Variants in TACC2 observed in about 807,000 individuals in gnomAD.
TACC2 encodes the protein transforming acidic coiled-coil-containing protein 2.
Under a neutral mutation model 227.3 loss-of-function variants are expected in TACC2, and 137 were observed. The observed-to-expected ratio is 0.60, with a 90% CI of 0.52 to 0.69. TACC2 has a LOEUF of 0.69. Among genes scored for constraint, TACC2 ranks in the 30% least tolerant of loss-of-function variants. TACC2 has a pLI of 0.00. For missense variants in TACC2, 3,470 were observed against 3,694.4 expected (o/e 0.94, Z 1.57); for synonymous variants, 1,523 against 1,487.5 (o/e 1.02, Z -0.55).
intron 1 of TACC2, among the ~76,000 whole-genome samples, chr10:122,009,030 C>T (rs976243813): frequency 2.0e-5 from 3 of 152,166 alleles, no homozygotes; most frequent in African/African-American, 7.2e-5. Flanking sequence ...ACTAGCTGCC[C>T]TCTGTATTGT....
rs1593376647 is a variant in TACC2, at chr10:122,210,200, C to T, written c.5972-197C>T. 8.2e-6 allele frequency: 5 copies of T among 613,260 alleles called. No individual in the cohort carries two copies. The East Asian group carries it at 8.4e-5, about 10-fold the overall frequency. The allele number at this position is 613,260 out of a possible 1,614,324, so 38.0% of individuals were successfully genotyped here. A position where few individuals can be genotyped will look rare whatever the true frequency, so the allele number is the denominator to read the frequency against. On this transcript the variant is annotated intron_variant, in intron 8 of 22. Transcript: ENST00000369005. This position sits in a 1 kb window ranked among gnomAD's most constrained non-coding sequence, Gnocchi z 4.6. Reference sequence around the variant, plus strand: ...ATTGTACAGATGAGGGAACTCTGGGCGAACCTGGCCTGGGTCTTGAGCTAA... The same window carrying T: ...ATTGTACAGATGAGGGAACTCTGGGTGAACCTGGCCTGGGTCTTGAGCTAA...
In TACC2 at chr10:122,238,026, G is replaced by A. The variant is rs1227342028; in HGVS notation, c.8337G>A (p.Val2779=). Residue 2779 remains valine (V), a synonymous_variant, in exon 18 of 23, where the codon GTG becomes GTA. Coordinates refer to ENST00000369005, the MANE Select transcript of TACC2 (RefSeq NM_206862.4). Reference sequence around the variant, plus strand: ...AATATGAAGAAAGCAGGCGGGAAGTGATGGAAATGAGGTCAGTTGGGGAGC... The same window carrying A: ...AATATGAAGAAAGCAGGCGGGAAGTAATGGAAATGAGGTCAGTTGGGGAGC... ...KDKYEESRRE[V]MEMRKIVAEY... is the part of the protein sequence containing the mutation. 6.2e-7 allele frequency: 1 copy of A among 1,614,128 alleles called. No homozygotes were observed. The highest frequency in any genetic ancestry group is 8.5e-7 in the Non-Finnish European group (1 of 1,179,994).
At chr10:122,125,127 G>A (rs1453202618) in intron 5 of TACC2, among the ~76,000 whole-genome samples, 5 of 152,166 alleles carry the variant, frequency 3.3e-5, no homozygotes, top group African/African-American at 1.2e-4. Context: ...CATGTGCCAT[G>A]CTCTATGTCA....
chr10:122,132,491 G>A, intron 5 of TACC2, 118 bp from the exon 6 acceptor site: 1 of 1,223,196 alleles, frequency 8.2e-7, no homozygotes, highest in Non-Finnish European at 1.2e-6. Context: ...AGAGTTTGCA[G>A]TGAGCGGAGA....
At chr10:121,992,863 G>A (rs764927083) in intron 1 of TACC2, among the ~76,000 whole-genome samples, 3 of 152,028 alleles carry the variant, frequency 2.0e-5, no homozygotes, top group Non-Finnish European at 2.9e-5. Flanking sequence ...GCTGAGGCAG[G>A]AGAATTGCTA....
At chr10:122,157,981 A>G (rs1592720447) in intron 7 of TACC2, among the ~76,000 whole-genome samples, 1 of 152,064 alleles carries the variant, frequency 6.6e-6, no homozygotes, top group Admixed American at 6.6e-5. Flanking sequence ...CAACTTTTGT[A>G]TAGCCCTGAG....
At chr10:122,190,975 GC>G (rs372028532) in intron 7 of TACC2, among the ~76,000 whole-genome samples, 9 of 152,298 alleles carry the variant, frequency 5.9e-5, no homozygotes, top group African/African-American at 2.2e-4. Flanking sequence ...AGCGAAAAGG[GC>G]ACAGATTTTA....
chr10:122,086,959 C>G lies in TACC2; in HGVS notation c.4459C>G (p.Leu1487Val). The G allele has an allele frequency of 6.2e-7, 1 of 1,614,002 alleles. No individual in the cohort carries two copies. The highest frequency in any genetic ancestry group is 8.5e-7 in the Non-Finnish European group (1 of 1,180,048). ...GGCTGGAGAGGCTGAGATTTCCCAT[C>G]TGGCTCTGCAAGATCCAGCTTCAGA... ...QLAGEAEISH[L>V]ALQDPASDKL... is the part of the protein sequence containing the mutation. Residue 1487 changes from leucine to valine, a missense_variant, in exon 4 of 23, where the codon CTG becomes GTG. Leu to Val is a conservative substitution (Grantham distance 32, BLOSUM62 1). Around this residue, in one of 10 missense-constraint regions of TACC2, gnomAD observed 1,924 missense variants for 1,978.3 expected, o/e 0.97. Transcript: ENST00000369005.
chr10:122,076,580 C>A (rs930780639), intron 3 of TACC2, among the ~76,000 whole-genome samples: 11 of 152,260 alleles, frequency 7.2e-5, no homozygotes, highest in African/African-American at 2.4e-4. Context: ...ACAAATCATT[C>A]ACAGGCTTTA....
At position 122,050,549 on chromosome 10, in the gene TACC2, A is replaced by G. The variant is rs1229314757; in HGVS notation, c.145A>G (p.Ser49Gly). Residue 49 changes from serine (S) to glycine (G), a missense_variant and splice_region_variant, in exon 3 of 23, where the codon AGC becomes GGC. Physicochemically the swap from Ser to Gly is moderately conservative, Grantham distance 56. This residue lies in a region of TACC2 where 405 missense variants were observed against 389.6 expected (regional missense o/e 1.04). Transcript: ENST00000369005. The surrounding 1 kb of genome is among the most constrained non-coding windows in gnomAD (Gnocchi z 4.6). ...PGSPDHRDAS[S>G]IGSVGLGGFC... ...AAGCCCTGACCACAGAGACGCGTCC[A>G]GGTAGGAGGCCAGCTCTGGAGGACT... 2 of 1,612,178 alleles carry G rather than the reference A, an allele frequency of 1.2e-6. No homozygotes were observed. The highest frequency in any genetic ancestry group is 8.5e-7 in the Non-Finnish European group (1 of 1,178,648).
chr10:122,174,015 C>G (rs564221594), intron 7 of TACC2, among the ~76,000 whole-genome samples: 1 of 152,174 alleles, frequency 6.6e-6, no homozygotes, highest in African/African-American at 2.4e-5. Flanking sequence ...CTCTTCTGCC[C>G]GCCTCCTCTC....
In TACC2 at chr10:122,083,621, G is replaced by T. The variant is rs2079782950; in HGVS notation, c.1121G>T (p.Gly374Val). ...GCTCTGGACACCATTGATGTTCAGG[G>T]TCACCCACAGACAGGGATGCGAGGA... ...KEALDTIDVQ[G>V]HPQTGMRGTK... Residue 374 changes from glycine to valine, a missense_variant, in exon 4 of 23, where the codon GGT becomes GTT. Physicochemically the swap from Gly to Val is moderately radical, Grantham distance 109. Around this residue, in one of 10 missense-constraint regions of TACC2, gnomAD observed 1,924 missense variants for 1,978.3 expected, o/e 0.97. Transcript: ENST00000369005. 3.1e-6 allele frequency: 5 copies of T among 1,611,694 alleles called. No individual in the cohort carries two copies. In the African/African-American group the frequency reaches 5.3e-5, roughly 17 times the overall value.
At chr10:122,157,840 T>TA (rs57997834) in intron 7 of TACC2, among the ~76,000 whole-genome samples, 17,060 of 148,888 alleles carry the variant, frequency 0.11, 2,872 homozygotes, top group African/African-American at 0.37. Flanking sequence ...ATGGTGTGTT[T>TA]AAAAAAAAAA....
At chr10:122,107,873 TATA>T (rs1220885451) in intron 5 of TACC2, among the ~76,000 whole-genome samples, 1,022 of 96,432 alleles carry the variant, frequency 0.011, 24 homozygotes, top group African/African-American at 0.032. Context: ...TATATATATA[TATA>T]TATATTTTTT....
intron 9 of TACC2, among the ~76,000 whole-genome samples, chr10:122,214,097 G>A (rs2095352245): frequency 6.6e-6 from 1 of 152,154 alleles, no homozygotes; most frequent in South Asian, 2.1e-4. Flanking sequence ...CAGCTCGGGG[G>A]GGTCCAAAGA....
At chr10:122,182,571 G>A (rs1252721412) in intron 7 of TACC2, among the ~76,000 whole-genome samples, 5 of 152,200 alleles carry the variant, frequency 3.3e-5, no homozygotes, top group South Asian at 4.1e-4. Context: ...ATGCAGGGGC[G>A]TGATTGTCCT....
chr10:122,200,793 A>G (rs552095638), intron 8 of TACC2, among the ~76,000 whole-genome samples: 2 of 146,654 alleles, frequency 1.4e-5, no homozygotes, highest in South Asian at 4.3e-4. Context: ...CCATGTTCAC[A>G]TGGGGAGGAC....
rs1212678550 is a variant in TACC2 at position 122,180,942 on chromosome 10, C to T, written c.5835-14098C>T. On this transcript the variant is annotated intron_variant, in intron 7 of 22. Transcript: ENST00000369005. The surrounding 1 kb of genome is among the most constrained non-coding windows in gnomAD (Gnocchi z 4.5). ...TATTTTTAGTAGAGACAGGGTTTCA[C>T]CATGTTGCCCAGGCTGGTCTTGAAC... Among the ~76,000 whole-genome samples, 1 of 151,904 alleles carries T rather than the reference C, an allele frequency of 6.6e-6. No individual in the cohort carries two copies. The highest frequency in any genetic ancestry group is 1.9e-4 in the East Asian group (1 of 5,140).
intron 12 of TACC2, among the ~76,000 whole-genome samples, chr10:122,225,925 G>A (rs1689572054): frequency 6.6e-6 from 1 of 152,166 alleles, no homozygotes; most frequent in African/African-American, 2.4e-5. Flanking sequence ...CACAGCCCCT[G>A]TTTCTAGTCC....
Sources: allele counts gnomAD v4.1 joint callset (sites outside exome capture counted in the v4.1 genomes callset), GRCh38; gene constraint gnomAD v4.1.1; regional missense constraint gnomAD v4.1.1; non-coding constraint Gnocchi (gnomAD v3.1); transcripts MANE v1.5; gene names NCBI Gene and HGNC (gene_info 2026-07-23, HGNC 2026-07-21).